Variants in IGSF3 observed in about 807,000 individuals in gnomAD.
IGSF3 encodes glu-Trp-Ile EWI motif-containing protein 3.
IGSF3 carries 23 observed loss-of-function variants against 114.4 expected under a neutral mutation model. The ratio of observed to expected loss-of-function variants is 0.20; its 90% CI spans 0.14 to 0.28. The LOEUF (loss-of-function observed/expected upper bound fraction) is 0.28, where lower values mean the gene tolerates loss of function less well. Among genes scored for constraint, IGSF3 ranks in the 10% least tolerant of loss-of-function variants. The probability of loss-of-function intolerance (pLI) is 1.00; values close to 1 mark genes in which losing one functional copy is unlikely to be tolerated. For missense variants in IGSF3, 1,172 were observed against 1,591.5 expected (o/e 0.74, Z 4.48); for synonymous variants, 571 against 645.2 (o/e 0.88, Z 1.74).
Position 116,585,065 on chromosome 1 carries a change from G to C in IGSF3, c.2441-13C>G. On this transcript the variant is annotated splice_polypyrimidine_tract_variant and intron_variant, in intron 8 of 10. Coordinates refer to ENST00000369486, the MANE Select transcript of IGSF3 (RefSeq NM_001007237.3). The surrounding 1 kb of genome is among the most constrained non-coding windows in gnomAD (Gnocchi z 4.9). The stretch of plus-strand genomic sequence containing the variant: ...CTCAGGCGGCTGTCTGGAACAGTAA[G>C]GAAGAGACGTCAGCGACAAAAGGAC... 6.6e-7 allele frequency: 1 copy of C among 1,508,016 alleles called. No homozygotes were observed. Among genetic ancestry groups the C allele is most frequent in the Non-Finnish European group, 8.9e-7 (1 of 1,127,722 alleles). The allele number at this position is 1,508,016 out of a possible 1,614,324, so 93.4% of individuals were successfully genotyped here. A position where few individuals can be genotyped will look rare whatever the true frequency, so the allele number is the denominator to read the frequency against.
chr1:116,619,879 T>C (rs2101023203), intron 2 of IGSF3, among the ~76,000 whole-genome samples: 1 of 152,262 alleles, frequency 6.6e-6, no homozygotes, highest in East Asian at 1.9e-4. Flanking sequence ...CAAAATGTTA[T>C]ATATAACTGC....
In IGSF3 at chr1:116,584,667, T is replaced by TA; in HGVS notation, c.2825_2826insT (p.Ala943SerfsTer24). On this transcript the variant is annotated frameshift_variant, in exon 9 of 11. Coordinates refer to ENST00000369486, the MANE Select transcript of IGSF3 (RefSeq NM_001007237.3). LOFTEE classifies it high-confidence loss of function. The surrounding 1 kb of genome is among the most constrained non-coding windows in gnomAD (Gnocchi z 5.8). ...CACCTGGTCGCATGACTGTCAGAGC[T>TA]GTCTGCCCAGCGGTGTCCTCTGCCC... is the stretch of plus-strand genomic sequence containing the variant. 1 of 1,614,198 alleles carries TA rather than the reference T, an allele frequency of 6.2e-7. No individual in the cohort carries two copies. Among genetic ancestry groups the TA allele is most frequent in the Non-Finnish European group, 8.5e-7 (1 of 1,180,004 alleles).
intron 2 of IGSF3, among the ~76,000 whole-genome samples, chr1:116,652,454 T>C (rs1005473665): frequency 1.3e-5 from 2 of 152,240 alleles, no homozygotes; most frequent in Non-Finnish European, 2.9e-5. Flanking sequence ...ATCTTCCTCA[T>C]TAGTCTACAT....
In IGSF3 at chr1:116,665,700, CCTT is replaced by C. The variant is rs1649302580; in HGVS notation, c.43+581_43+583del. On this transcript the variant is annotated intron_variant, in intron 2 of 10. Coordinates refer to ENST00000369486, the MANE Select transcript of IGSF3 (RefSeq NM_001007237.3). The surrounding 1 kb of genome is among the most constrained non-coding windows in gnomAD (Gnocchi z 4.0). ...GGCAGCTTCCTTTTCTTCAGGCTCT[CCTT>C]CTCCCAGAACTACGATCTAAGCTTC... is the stretch of plus-strand genomic sequence containing the variant. 1.3e-5 allele frequency among the ~76,000 whole-genome samples: 2 copies of C among 152,304 alleles called. No individual in the cohort carries two copies. The highest frequency in any genetic ancestry group is 3.9e-4 in the East Asian group (2 of 5,178).
rs367822913 is a variant in IGSF3 at position 116,660,927 on chromosome 1, T to C, written c.43+5357A>G. Among the ~76,000 whole-genome samples the C allele has an allele frequency of 5.2e-4, 79 of 152,320 alleles. 2 individuals carry two copies. The South Asian group carries it at 0.016, about 31-fold the overall frequency. On this transcript the variant is annotated intron_variant, in intron 2 of 10. Coordinates refer to ENST00000369486, the MANE Select transcript of IGSF3 (RefSeq NM_001007237.3). ...AATTGTTTTCAAGGGAAAAGTGTCATGAATTTCCTTATCTTGATCAAGGAA... is the reference window on the plus strand; with the variant it reads ...AATTGTTTTCAAGGGAAAAGTGTCACGAATTTCCTTATCTTGATCAAGGAA...
rs1457256839 is a variant in IGSF3 at position 116,595,124 on chromosome 1, AAG to A, written c.2029+4815_2029+4816del. Among the ~76,000 whole-genome samples the A allele has an allele frequency of 6.6e-6, 1 of 152,142 alleles. No individual in the cohort carries two copies. The highest frequency in any genetic ancestry group is 1.5e-5 in the Non-Finnish European group (1 of 68,028). On this transcript the variant is annotated intron_variant, in intron 7 of 10. Coordinates refer to ENST00000369486, the MANE Select transcript of IGSF3 (RefSeq NM_001007237.3). The surrounding 1 kb of genome is among the most constrained non-coding windows in gnomAD (Gnocchi z 4.2). ...GAGGGAGGGGCAAGGGGAAAGCAGC[AAG>A]AGTCTGCAGGTGGAAATAGCTAATG...
chr1:116,666,528 T>G lies in IGSF3; in HGVS notation c.-202A>C, dbSNP rs1226118735. The G allele has an allele frequency of 6.5e-6, 4 of 618,260 alleles. No individual in the cohort carries two copies. The highest frequency in any genetic ancestry group is 1.1e-5 in the Non-Finnish European group (4 of 348,372). The allele number at this position is 618,260 out of a possible 1,614,324, so 38.3% of individuals were successfully genotyped here. On this transcript the variant is annotated 5_prime_UTR_variant, in exon 2 of 11. Coordinates refer to ENST00000369486, the MANE Select transcript of IGSF3 (RefSeq NM_001007237.3). ...GAGGAGTGGAGGCAAGTGTGAAAAC[T>G]CCCCTATGCTACAGGAAGGGTCCAC...
chr1:116,628,016 T>C lies in IGSF3; in HGVS notation c.44-11559A>G, dbSNP rs1294851344. On this transcript the variant is annotated intron_variant, in intron 2 of 10. Coordinates refer to ENST00000369486, the MANE Select transcript of IGSF3 (RefSeq NM_001007237.3). This position sits in a 1 kb window ranked among gnomAD's most constrained non-coding sequence, Gnocchi z 4.2. ...GGCACTGCTGTGACCCTCTCAGCAG[T>C]GGAAGCACTAGCCAATGTGCCATCC... 2.6e-5 allele frequency among the ~76,000 whole-genome samples: 4 copies of C among 152,314 alleles called. No individual in the cohort carries two copies. In the East Asian group the frequency reaches 7.7e-4, roughly 29 times the overall value.
At chr1:116,653,797 TG>T (rs1467253279) in intron 2 of IGSF3, among the ~76,000 whole-genome samples, 1 of 152,198 alleles carries the variant, frequency 6.6e-6, no homozygotes, top group Non-Finnish European at 1.5e-5. Flanking sequence ...CTTCTAGAAG[TG>T]CACAGTTCAG....
intron 5 of IGSF3, 65 bp from the exon 6 acceptor site, chr1:116,604,090 G>C: frequency 7.4e-6 from 10 of 1,346,000 alleles, no homozygotes; most frequent in Non-Finnish European, 9.0e-6. Flanking sequence ...TCCCCACAGA[G>C]GAAACAGGAG....
At position 116,594,586 on chromosome 1, in the gene IGSF3, A is replaced by C. The variant is rs561190673; in HGVS notation, c.2029+5355T>G. Among the ~76,000 whole-genome samples the C allele has an allele frequency of 1.2e-4, 19 of 152,222 alleles. No homozygotes were observed. The highest frequency in any genetic ancestry group is 2.6e-4 in the Non-Finnish European group (18 of 68,038). On this transcript the variant is annotated intron_variant, in intron 7 of 10. Transcript: ENST00000369486. The surrounding 1 kb of genome is among the most constrained non-coding windows in gnomAD (Gnocchi z 5.2). ...AATAAATATTATTCCCAATTTTATA[A>C]AGACACTTGCCCAAGGTCACACAGC...
At position 116,648,111 on chromosome 1, in the gene IGSF3, G is replaced by GA. The variant is rs1163942300; in HGVS notation, c.43+18172dup. On this transcript the variant is annotated intron_variant, in intron 2 of 10. Transcript: ENST00000369486. The surrounding 1 kb of genome is among the most constrained non-coding windows in gnomAD (Gnocchi z 4.7). ...ACAGCAAGACTCCCTCTCAAAAAAA[G>GA]AAAAAAAAGAGTGGCTACCCAAGAA... Among the ~76,000 whole-genome samples the GA allele has an allele frequency of 6.6e-6, 1 of 151,534 alleles. No homozygotes were observed. The highest frequency in any genetic ancestry group is 1.9e-4 in the East Asian group (1 of 5,160).
Position 116,656,465 on chromosome 1 carries a change from T to C in IGSF3, c.43+9819A>G, listed in dbSNP as rs550953558. Among the ~76,000 whole-genome samples, 27 of 152,032 alleles carry C rather than the reference T, an allele frequency of 1.8e-4. No individual in the cohort carries two copies. In the South Asian group the frequency reaches 5.4e-3, roughly 30 times the overall value. On this transcript the variant is annotated intron_variant, in intron 2 of 10. Transcript: ENST00000369486. ...ACAGGTGCCCGCCACCACACCCAGC[T>C]AATTTTTTTGTATTTGGGGTTTCAC...
At chr1:116,641,093 G>A (rs1278952098) in intron 2 of IGSF3, among the ~76,000 whole-genome samples, 1 of 152,220 alleles carries the variant, frequency 6.6e-6, no homozygotes, top group Non-Finnish European at 1.5e-5. Flanking sequence ...TGATGGTACA[G>A]ATAAGATTGG....
chr1:116,608,498 T>C (rs1207144077), intron 4 of IGSF3, among the ~76,000 whole-genome samples, 167 bp from the exon 5 acceptor site: 3 of 152,148 alleles, frequency 2.0e-5, no homozygotes, highest in Non-Finnish European at 4.4e-5. Flanking sequence ...ACCCAGGTTA[T>C]CTAAGGTCCA....
intron 4 of IGSF3, among the ~76,000 whole-genome samples, chr1:116,611,492 G>A (rs1661017594): frequency 6.6e-6 from 1 of 152,068 alleles, no homozygotes; most frequent in Admixed American, 6.5e-5. Flanking sequence ...TTGGCTCACA[G>A]AGTCAAGCCC....
rs187371741 is a variant in IGSF3 at position 116,614,603 on chromosome 1, C to A, written c.422-428G>T. 1.6e-4 allele frequency among the ~76,000 whole-genome samples: 25 copies of A among 152,310 alleles called. No homozygotes were observed. Among genetic ancestry groups the A allele is most frequent in the African/African-American group, 6.0e-4 (25 of 41,572 alleles). On this transcript the variant is annotated intron_variant, in intron 3 of 10. Coordinates refer to ENST00000369486, the MANE Select transcript of IGSF3 (RefSeq NM_001007237.3). This position sits in a 1 kb window ranked among gnomAD's most constrained non-coding sequence, Gnocchi z 4.5. ...TCCTGGAACTTTTAGTTTTACATTT[C>A]TATACAACATCCTTTCTTTCCTTCC...
intron 2 of IGSF3, among the ~76,000 whole-genome samples, chr1:116,656,593 A>G (rs1359434629): frequency 1.3e-5 from 2 of 152,000 alleles, no homozygotes; most frequent in Non-Finnish European, 2.9e-5. Context: ...TTCTTGTAAC[A>G]GAATTATAGT....
chr1:116,652,901 G>C (rs61787766), intron 2 of IGSF3, among the ~76,000 whole-genome samples: 4 of 152,198 alleles, frequency 2.6e-5, no homozygotes, highest in Non-Finnish European at 5.9e-5. Flanking sequence ...ATTGTTCTCT[G>C]TACCCGTACG....
Sources: gnomAD v4.1 joint callset for allele counts (sites outside exome capture counted in the v4.1 genomes callset) on GRCh38, gnomAD v4.1.1 for gene constraint, Gnocchi (gnomAD v3.1) non-coding constraint, MANE v1.5 for transcripts, NCBI Gene and HGNC (gene_info 2026-07-23, HGNC 2026-07-21) for gene names.